KCTD5: variants seen among roughly 807,000 people sequenced by gnomAD.
The protein encoded by KCTD5 is BTB/POZ domain-containing protein KCTD5.
KCTD5 carries 12 observed loss-of-function variants against 27.9 expected under a neutral mutation model. The observed-to-expected ratio is 0.43, with a 90% CI of 0.28 to 0.70. The LOEUF (loss-of-function observed/expected upper bound fraction) is 0.70, where lower values mean the gene tolerates loss of function less well. Among genes scored for constraint, KCTD5 ranks in the 30% least tolerant of loss-of-function variants. KCTD5 has a pLI of 0.19. For missense variants in KCTD5, 226 were observed against 274.8 expected, an observed-to-expected ratio of 0.82 and a Z score of 1.26; for synonymous variants, 147 against 121.4, an observed-to-expected ratio of 1.21 and a Z score of -1.39.
At chr16:2,693,420 G>A (rs2067575520) in intron 1 of KCTD5, among the ~76,000 whole-genome samples, 1 of 152,228 alleles carries the variant, frequency 6.6e-6, no homozygotes, top group South Asian at 2.1e-4. Context: ...TCCTAAAGGG[G>A]GTGTTTAATG....
chr16:2,700,131 G>A (rs899442823), intron 4 of KCTD5, among the ~76,000 whole-genome samples: 2 of 152,164 alleles, frequency 1.3e-5, no homozygotes, highest in African/African-American at 2.4e-5. Flanking sequence ...GCTCTGCCCC[G>A]CACCTTCCCC....
chr16:2,688,240 TA>T (rs2067550227), intron 1 of KCTD5, among the ~76,000 whole-genome samples: 1 of 99,588 alleles, frequency 1.0e-5, no homozygotes, highest in African/African-American at 3.9e-5. Context: ...TATATATATA[TA>T]TATATTTATT....
chr16:2,701,604 C>T (rs906217113), intron 4 of KCTD5, among the ~76,000 whole-genome samples: 3 of 152,336 alleles, frequency 2.0e-5, no homozygotes, highest in East Asian at 1.9e-4. Flanking sequence ...CAGGTAGCTG[C>T]GGGCTGCTCT....
chr16:2,687,185 C>T (rs182258555), intron 1 of KCTD5, among the ~76,000 whole-genome samples: 3 of 152,136 alleles, frequency 2.0e-5, no homozygotes, highest in Non-Finnish European at 4.4e-5. Flanking sequence ...CCTTAGGCCA[C>T]GAGTCAGTTC....
chr16:2,692,766 C>T (rs1407978424), intron 1 of KCTD5, among the ~76,000 whole-genome samples: 4 of 152,256 alleles, frequency 2.6e-5, no homozygotes, highest in African/African-American at 9.6e-5. Context: ...TGCTGCCATA[C>T]ATGGCGCCTG....
rs1463326762 is a variant in KCTD5 at position 2,697,964 on chromosome 16, C to G, written c.420C>G (p.Asp140Glu). 6.2e-7 allele frequency: 1 copy of G among 1,612,178 alleles called. No homozygotes were observed. Among genetic ancestry groups the G allele is most frequent in the South Asian group, 1.1e-5 (1 of 91,044 alleles). Residue 140 changes from aspartate to glutamate, a missense_variant, in exon 3 of 6, where the codon GAC (aspartate) becomes GAG (glutamate). By Grantham distance (45) the Asp-to-Glu change is conservative. Transcript: ENST00000301738. ...NITSLIKLVK[D>E]KIRERDSKTS... ...CCTCATTAATAAAACTTGTAAAGGA[C>G]AAAATTAGAGAACGAGACAGCAAAA...
intron 3 of KCTD5, among the ~76,000 whole-genome samples, chr16:2,698,658 G>T (rs1219346746): frequency 6.6e-6 from 1 of 151,956 alleles, no homozygotes; most frequent in East Asian, 1.9e-4. Flanking sequence ...CCGCACTGTG[G>T]CCGCGGCTGC....
At chr16:2,689,587 C>T (rs547837115) in intron 1 of KCTD5, among the ~76,000 whole-genome samples, 9 of 148,498 alleles carry the variant, frequency 6.1e-5, no homozygotes, top group East Asian at 2.0e-4. Flanking sequence ...CTGGGAGCTG[C>T]GGGAGGGTTG....
At chr16:2,699,768 G>A in intron 3 of KCTD5, 53 bp from the exon 4 acceptor site, 2 of 1,540,152 alleles carry the variant, frequency 1.3e-6, no homozygotes, top group Non-Finnish European at 1.8e-6. Flanking sequence ...GGGGCCACAG[G>A]CAGCAGTGGG....
intron 1 of KCTD5, among the ~76,000 whole-genome samples, chr16:2,688,228 A>AATATATATATATATATATATATATATAT (rs772886064): frequency 1.2e-5 from 1 of 84,630 alleles, no homozygotes; most frequent in African/African-American, 4.1e-5. Flanking sequence ...TAAATAAATA[A>AATATATATATATATATATATATATATAT]ATATATATAT....
At chr16:2,688,592 A>C (rs2067553198) in intron 1 of KCTD5, among the ~76,000 whole-genome samples, 1 of 146,682 alleles carries the variant, frequency 6.8e-6, no homozygotes, top group African/African-American at 2.5e-5. Flanking sequence ...CCGCAGCCAC[A>C]CTTAATTTCT....
At chr16:2,704,827 A>G (rs2067627973) in intron 5 of KCTD5, among the ~76,000 whole-genome samples, 1 of 152,128 alleles carries the variant, frequency 6.6e-6, no homozygotes, top group African/African-American at 2.4e-5. Context: ...AGGCCCTCCT[A>G]TCAGGCCGAG....
In KCTD5 at chr16:2,699,691, C is replaced by T. The variant is rs182622499; in HGVS notation, c.454-130C>T. Reference sequence around the variant, plus strand: ...GCTTTTGTGGATGTGCTCAGGATTGCTTTGGGCCTCGTGCCCTGTGCTGAG... The same window carrying T: ...GCTTTTGTGGATGTGCTCAGGATTGTTTTGGGCCTCGTGCCCTGTGCTGAG... On this transcript the variant is annotated intron_variant, in intron 3 of 5. Coordinates refer to ENST00000301738, the MANE Select transcript of KCTD5 (RefSeq NM_018992.4). The T allele has an allele frequency of 1.4e-4, 103 of 737,340 alleles. 1 individual carries two copies. In the East Asian group the frequency reaches 1.7e-3, roughly 12 times the overall value. The allele number at this position is 737,340 out of a possible 1,614,324, so 45.7% of individuals were successfully genotyped here. A position where few individuals can be genotyped will look rare whatever the true frequency, so the allele number is the denominator to read the frequency against.
chr16:2,703,399 C>A (rs555665358), intron 5 of KCTD5, among the ~76,000 whole-genome samples: 1 of 151,954 alleles, frequency 6.6e-6, no homozygotes, highest in Admixed American at 6.5e-5. Context: ...CAGCCTGGGG[C>A]GAAGGCTCGG....
intron 1 of KCTD5, among the ~76,000 whole-genome samples, chr16:2,687,797 A>T (rs1301758639): frequency 6.6e-6 from 1 of 152,088 alleles, no homozygotes; most frequent in Non-Finnish European, 1.5e-5. Context: ...AAGCCTGGGG[A>T]AGAACCTGCC....
chr16:2,696,761 C>G (rs1256744775), intron 2 of KCTD5, among the ~76,000 whole-genome samples: 1 of 152,398 alleles, frequency 6.6e-6, no homozygotes, highest in East Asian at 1.9e-4. Context: ...ATCTGCCTGC[C>G]TCCTCCGAGT....
At chr16:2,685,035 C>T (rs947204035) in intron 1 of KCTD5, among the ~76,000 whole-genome samples, 6 of 152,350 alleles carry the variant, frequency 3.9e-5, no homozygotes, top group Non-Finnish European at 1.5e-5. Context: ...CTCTTTTCAT[C>T]ATCATCCATT....
At position 2,702,211 on chromosome 16, in the gene KCTD5, T is replaced by C. The variant is rs2142058695; in HGVS notation, c.550-142T>C. 3.7e-6 allele frequency: 4 copies of C among 1,075,844 alleles called. No individual in the cohort carries two copies. In the East Asian group the frequency reaches 9.8e-5, roughly 26 times the overall value. 66.6% of individuals were successfully genotyped at this position (1,075,844 alleles called of 1,614,324 possible). On this transcript the variant is annotated intron_variant, in intron 4 of 5. Coordinates refer to ENST00000301738, the MANE Select transcript of KCTD5 (RefSeq NM_018992.4). ...TGCTCGTGCAGGTGTTCCGGGGATT[T>C]GTTTTCCATCCATTTCCTGAAGCGT...
Position 2,708,848 on chromosome 16 carries a change from C to T in KCTD5, c.*1521C>T, listed in dbSNP as rs1296470312. 2 of 152,128 alleles carry T rather than the reference C, an allele frequency of 1.3e-5. No homozygotes were observed. The highest frequency in any genetic ancestry group is 2.9e-5 in the Non-Finnish European group (2 of 68,010). 9.4% of individuals were successfully genotyped at this position (152,128 alleles called of 1,614,324 possible). On this transcript the variant is annotated 3_prime_UTR_variant, in exon 6 of 6. Transcript: ENST00000301738. ...CCGCTTAGCGTTGTTTGATTTTTGA[C>T]CTTGACATAGTAGATAGGCTTGTGG...
Sources: allele counts gnomAD v4.1 joint callset (sites outside exome capture counted in the v4.1 genomes callset), GRCh38; gene constraint gnomAD v4.1.1; transcripts MANE v1.5; gene names NCBI Gene and HGNC (gene_info 2026-07-23, HGNC 2026-07-21).